Variants in KRT83 observed in about 807,000 individuals in gnomAD.
The protein encoded by KRT83 is keratin, type II cuticular Hb3.
In KRT83, 51 loss-of-function variants were observed where a neutral mutation model predicts 52.9. The ratio of observed to expected loss-of-function variants is 0.96; its 90% CI spans 0.77 to 1.22. KRT83 has a LOEUF of 1.22. KRT83 is among the 50% of genes most tolerant of loss of function. KRT83 has a pLI of 0.00. For missense variants in KRT83, 654 were observed against 666.5 expected (o/e 0.98, Z 0.21); for synonymous variants, 278 against 274.1 (o/e 1.01, Z -0.14).
intron 1 of KRT83, 85 bp from the exon 2 acceptor site, chr12:52,319,449 C>T: frequency 1.3e-6 from 2 of 1,571,112 alleles, no homozygotes; most frequent in South Asian, 2.3e-5. Flanking sequence ...GCCTGAAAGC[C>T]CCCAACTCTC....
In KRT83 at chr12:52,316,488, C is replaced by A. The variant is rs753256333; in HGVS notation, c.1021G>T (p.Val341Leu). 1.2e-6 allele frequency: 2 copies of A among 1,614,152 alleles called. No individual in the cohort carries two copies. The highest frequency in any genetic ancestry group is 1.7e-6 in the Non-Finnish European group (2 of 1,180,030). ...GGTACCTGGCACTTGGCATTCTCCA[C>A]CTCGGCTGTCAGCCTCTGGATCATG... is the stretch of plus-strand genomic sequence containing the variant. ...NRMIQRLTAE[V>L]ENAKCQNSKL... Residue 341 changes from valine to leucine, a missense_variant, in exon 6 of 9, where the codon GTG (valine) becomes TTG (leucine). By Grantham distance (32) the Val-to-Leu change is conservative (BLOSUM62 1). Transcript: ENST00000293670.
Position 52,316,702 on chromosome 12 carries a change from G to A in KRT83, c.916-109C>T, listed in dbSNP as rs536210938. 3,097 of 1,595,558 alleles carry A rather than the reference G, an allele frequency of 1.9e-3. 81 individuals carry two copies. In the South Asian group the frequency reaches 0.032, roughly 16 times the overall value. ...CAGTGCTCGGCCTGTGCAACCACAC[G>A]TGGCAGTCCTGCCCTGCCACCCCAA... On this transcript the variant is annotated intron_variant, in intron 5 of 8. Transcript: ENST00000293670.
At chr12:52,317,612 G>T in intron 4 of KRT83, 69 bp downstream of exon 4, 3 of 1,526,574 alleles carry the variant, frequency 2.0e-6, no homozygotes, top group Non-Finnish European at 2.7e-6. Flanking sequence ...TCATGCCTGT[G>T]GGTGTCTGGG....
At chr12:52,315,428 A>G (rs1938671022) in intron 7 of KRT83, 85 bp from the exon 8 acceptor site, 3 of 1,351,384 alleles carry the variant, frequency 2.2e-6, no homozygotes, top group Non-Finnish European at 2.1e-6. Context: ...GAAATGGGTC[A>G]TCTCAGGGCT....
chr12:52,320,711 G>C (rs1017322784), intron 1 of KRT83, among the ~76,000 whole-genome samples: 1 of 152,208 alleles, frequency 6.6e-6, no homozygotes, highest in Admixed American at 6.5e-5. Flanking sequence ...TTATCACTCA[G>C]TGTGGAAGGC....
intron 8 of KRT83, 148 bp from the exon 9 acceptor site, chr12:52,314,966 G>A (rs1054669358): frequency 1.2e-6 from 1 of 830,260 alleles, no homozygotes; most frequent in East Asian, 2.7e-5. Flanking sequence ...CCTAGCCTGG[G>A]AGCCAGCAGA....
Position 52,314,664 on chromosome 12 carries a change from AC to A in KRT83, c.1448del (p.Cys483LeufsTer48). 1 of 1,577,436 alleles carries A rather than the reference AC, an allele frequency of 6.3e-7. No individual in the cohort carries two copies. The highest frequency in any genetic ancestry group is 8.6e-7 in the Non-Finnish European group (1 of 1,161,562). ...CKPCGQLNTT[C>X]GGGSCGQGRH is the part of the protein sequence containing the mutation. ...TCCCCTGGCCGCAGGAGCCCCCTCCACAGGTGGTGTTCAGCTGGCCACAGGG... is the reference window on the plus strand; with the variant it reads ...TCCCCTGGCCGCAGGAGCCCCCTCCAAGGTGGTGTTCAGCTGGCCACAGGG... On this transcript the variant is annotated frameshift_variant, in exon 9 of 9. Coordinates refer to ENST00000293670, the MANE Select transcript of KRT83 (RefSeq NM_002282.3). LOFTEE classifies it high-confidence loss of function.
intron 7 of KRT83, among the ~76,000 whole-genome samples, 180 bp downstream of exon 7, chr12:52,315,713 A>C (rs1170940400): frequency 6.6e-6 from 1 of 152,234 alleles, no homozygotes; most frequent in East Asian, 1.9e-4. Context: ...AGAATAGGTG[A>C]TGTCCAAGAA....
chr12:52,317,766 C>T lies in KRT83; in HGVS notation c.665G>A (p.Cys222Tyr), dbSNP rs961008827. The change falls in exon 4 of 9, where the codon TGC (cysteine) becomes TAC (tyrosine). Residue 222 changes from cysteine (C) to tyrosine (Y), a missense_variant. Physicochemically the swap from Cys to Tyr is radical, Grantham distance 194. Coordinates refer to ENST00000293670, the MANE Select transcript of KRT83 (RefSeq NM_002282.3). ...CAGGTCTGACTTGCGGAGGTAGGCGCAGTCCACATCCTGGGTGGGGTAGAA... is the reference window on the plus strand; with the variant it reads ...CAGGTCTGACTTGCGGAGGTAGGCGTAGTCCACATCCTGGGTGGGGTAGAA... The part of the protein sequence containing the change: ...EFVALKKDVD[C>Y]AYLRKSDLEA... 3 of 1,613,768 alleles carry T rather than the reference C, an allele frequency of 1.9e-6. No individual in the cohort carries two copies. Among genetic ancestry groups the T allele is most frequent in the African/African-American group, 2.7e-5 (2 of 74,914 alleles).
intron 5 of KRT83, 66 bp from the exon 6 acceptor site, chr12:52,316,659 A>G (rs1054160407): frequency 1.9e-6 from 3 of 1,613,006 alleles, no homozygotes; most frequent in South Asian, 1.1e-5. Context: ...GACAGCTCAG[A>G]TGATTGCACA....
chr12:52,319,231 C>G lies in KRT83; in HGVS notation c.518G>C (p.Cys173Ser). ...YIETLRREAECVEADSGRLAS... is the reference protein window; with the variant it reads ...YIETLRREAESVEADSGRLAS... ...CAGCCTCCCACTGTCAGCCTCCACG[C>G]ACTCGGCCTCCCGCCGCAGAGTCTC... is the stretch of plus-strand genomic sequence containing the variant. Residue 173 changes from cysteine (C) to serine (S), a missense_variant, in exon 2 of 9, where the codon TGC becomes TCC. Cys to Ser is a moderately radical substitution (Grantham distance 112). Transcript: ENST00000293670. 6.2e-7 allele frequency: 1 copy of G among 1,613,792 alleles called. No individual in the cohort carries two copies.
rs1224288777 is a variant in KRT83 at position 52,320,968 on chromosome 12, G to T, written c.368C>A (p.Ala123Glu). 1.2e-6 allele frequency: 2 copies of T among 1,613,758 alleles called. No homozygotes were observed. Among genetic ancestry groups the T allele is most frequent in the African/African-American group, 1.3e-5 (1 of 74,928 alleles). ...EQIKSLNSRF[A>E]AFIDKVRFLE... ...GACACCCACCTTGTCGATGAAGGCC[G>T]CGAATCTGCTGTTGAGGGACTTGAT... is the stretch of plus-strand genomic sequence containing the variant. The change falls in exon 1 of 9, where the codon GCG (alanine) becomes GAG (glutamate). Residue 123 changes from alanine to glutamate, a missense_variant. By Grantham distance (107) the Ala-to-Glu change is moderately radical. Coordinates refer to ENST00000293670, the MANE Select transcript of KRT83 (RefSeq NM_002282.3).
rs745830588 is a variant in KRT83 at position 52,317,980 on chromosome 12, G to A, written c.594-10C>T. On this transcript the variant is annotated splice_polypyrimidine_tract_variant and intron_variant, in intron 2 of 8. Transcript: ENST00000293670. ...TACTTCTTCTTCATACCTGAGGTGAGCAGGGAGAACAGGACCTTGTCTGAA... is the reference window on the plus strand; with the variant it reads ...TACTTCTTCTTCATACCTGAGGTGAACAGGGAGAACAGGACCTTGTCTGAA... 1 of 1,613,172 alleles carries A rather than the reference G, an allele frequency of 6.2e-7. No homozygotes were observed. The highest frequency in any genetic ancestry group is 1.3e-5 in the African/African-American group (1 of 74,888).
Position 52,314,342 on chromosome 12 carries a change from A to C in KRT83, c.*289T>G. On this transcript the variant is annotated 3_prime_UTR_variant, in exon 9 of 9. Transcript: ENST00000293670. ...ATTGGAAAAGGGGAGACAAGAGGCC[A>C]GAGAGGCAGGGGGAACAGTCTCACA... The C allele has an allele frequency of 1.9e-6, 1 of 515,432 alleles. No homozygotes were observed. Among genetic ancestry groups the C allele is most frequent in the Non-Finnish European group, 3.5e-6 (1 of 282,324 alleles). The allele number at this position is 515,432 out of a possible 1,614,324, so 31.9% of individuals were successfully genotyped here. A position where few individuals can be genotyped will look rare whatever the true frequency, so the allele number is the denominator to read the frequency against.
At chr12:52,315,215 T>C in intron 8 of KRT83, 97 bp downstream of exon 8, 1 of 1,288,028 alleles carries the variant, frequency 7.8e-7, no homozygotes. Flanking sequence ...GGGGGAATTA[T>C]TGGAAACACT....
In KRT83 at chr12:52,314,659, C is replaced by G; in HGVS notation, c.1454G>C (p.Gly485Ala). ...ATGCCTCCCCTGGCCGCAGGAGCCCCCTCCACAGGTGGTGTTCAGCTGGCC... is the reference window on the plus strand; with the variant it reads ...ATGCCTCCCCTGGCCGCAGGAGCCCGCTCCACAGGTGGTGTTCAGCTGGCC... The part of the protein sequence containing the change: ...PCGQLNTTCG[G>A]GSCGQGRH Residue 485 changes from glycine to alanine, a missense_variant, in exon 9 of 9, where the codon GGG (glycine) becomes GCG (alanine). Coordinates refer to ENST00000293670, the MANE Select transcript of KRT83 (RefSeq NM_002282.3). The G allele has an allele frequency of 6.3e-7, 1 of 1,575,866 alleles. No homozygotes were observed. The highest frequency in any genetic ancestry group is 8.6e-7 in the Non-Finnish European group (1 of 1,160,824).
chr12:52,319,062 A>C, intron 2 of KRT83, 94 bp downstream of exon 2: 5 of 1,579,650 alleles, frequency 3.2e-6, no homozygotes, highest in South Asian at 1.1e-5. Flanking sequence ...ACTCTCAGGC[A>C]GAGATGCCAG....
chr12:52,315,505 C>T (rs1436845671), intron 7 of KRT83, among the ~76,000 whole-genome samples, 162 bp from the exon 8 acceptor site: 2 of 152,194 alleles, frequency 1.3e-5, no homozygotes, highest in Admixed American at 6.5e-5. Flanking sequence ...GTTGAAGCAA[C>T]GTCAGGTCAC....
chr12:52,317,021 C>A lies in KRT83; in HGVS notation c.753G>T (p.Glu251Asp). The change falls in exon 5 of 9, where the codon GAG becomes GAT. Residue 251 changes from glutamate to aspartate, a missense_variant and splice_region_variant. Coordinates refer to ENST00000293670, the MANE Select transcript of KRT83 (RefSeq NM_002282.3). ...AGATGTGGGATTGGAGAATGCGGAT[C>A]TCCTGCAGGAGGTGGGGAAAGGAAG... ...IDFLRRLYEE[E>D]IRILQSHISD... 1 of 1,614,186 alleles carries A rather than the reference C, an allele frequency of 6.2e-7. No homozygotes were observed. The highest frequency in any genetic ancestry group is 8.5e-7 in the Non-Finnish European group (1 of 1,180,040).
Sources: gnomAD v4.1 joint callset for allele counts (sites outside exome capture counted in the v4.1 genomes callset) on GRCh38, gnomAD v4.1.1 for gene constraint, MANE v1.5 for transcripts, NCBI Gene and HGNC (gene_info 2026-07-23, HGNC 2026-07-21) for gene names.